The following RRM2 variants were observed in gnomAD, a reference collection of about 807,000 sequenced individuals.
RRM2 encodes the protein ribonucleotide reductase regulatory subunit M2, also known as ribonucleoside-diphosphate reductase subunit M2.
A neutral mutation model predicts 45.9 loss-of-function variants in RRM2; 6 were observed. The observed-to-expected ratio is 0.13, with a 90% CI of 0.07 to 0.26. The LOEUF (loss-of-function observed/expected upper bound fraction) is 0.26. Among genes scored for constraint, RRM2 ranks in the 10% least tolerant of loss-of-function variants. The pLI is 1.00. For missense variants in RRM2, 343 were observed against 489.5 expected (o/e 0.70, Z 2.82); for synonymous variants, 177 against 173.0 (o/e 1.02, Z -0.18).
In RRM2 at chr2:10,207,386, A is replaced by C. The variant is rs528959763; in HGVS notation, n.483-2925A>C. ...CAGCCCGCTCTCCACACCGAACCCG[A>C]GGCTCTCTCTTTGAATGGCAATCTG... is the stretch of plus-strand genomic sequence containing the variant. On this transcript the variant is annotated intron_variant and non_coding_transcript_variant, in intron 3 of 3. Coordinates refer to the RRM2 transcript ENST00000381786. 7.2e-5 allele frequency among the ~76,000 whole-genome samples: 11 copies of C among 152,208 alleles called. No homozygotes were observed. The South Asian group carries it at 2.3e-3, about 32-fold the overall frequency.
At chr2:10,142,268 C>A in exon 3 of RRM2, 1 of 1,451,704 alleles carries the variant, frequency 6.9e-7, no homozygotes, top group Non-Finnish European at 9.3e-7. Context: ...ATGAGAAGCT[C>A]GGGAAGGTCT....
rs538931246 is a variant in RRM2, at chr2:10,210,274, G to C, written n.483-37G>C. On this transcript the variant is annotated intron_variant and non_coding_transcript_variant, in intron 3 of 3. Transcript: ENST00000381786. ...TTGGGGGCATGGGTTGGATGATCTT[G>C]GTTCAGTTACCAAATCTTTCTTTCC... 16 of 1,327,732 alleles carry C rather than the reference G, an allele frequency of 1.2e-5. 1 individual carries two copies. In the South Asian group the frequency reaches 1.6e-4, roughly 14 times the overall value. 82.2% of individuals were successfully genotyped at this position (1,327,732 alleles called of 1,614,324 possible).
At chr2:10,207,421 C>A (rs1470279334) in intron 3 of RRM2, among the ~76,000 whole-genome samples, 2 of 152,136 alleles carry the variant, frequency 1.3e-5, no homozygotes, top group Non-Finnish European at 2.9e-5. Context: ...GATAGTCTCC[C>A]CCCTGTTTAA....
chr2:10,129,361 C>A lies in RRM2; in HGVS notation c.1145C>A (p.Ser382Tyr), dbSNP rs1319562606. Residue 382 changes from serine (S) to tyrosine (Y), a missense_variant, in exon 10 of 10, where the codon TCT becomes TAT. Ser to Tyr is a moderately radical substitution (Grantham distance 144). Transcript: ENST00000304567. The surrounding 1 kb of genome is among the most constrained non-coding windows in gnomAD (Gnocchi z 4.8). ...MGVMSSPTEN[S>Y]FTLDADF ...GTGATGTCAAGTCCAACAGAGAATT[C>A]TTTTACCTTGGATGCTGACTTCTAA... 22 of 1,612,458 alleles carry A rather than the reference C, an allele frequency of 1.4e-5. No homozygotes were observed. Among genetic ancestry groups the A allele is most frequent in the Non-Finnish European group, 1.7e-5 (20 of 1,179,566 alleles).
intron 3 of RRM2, chr2:10,145,706 G>A (rs1663173467): frequency 6.6e-6 from 1 of 152,216 alleles, no homozygotes; most frequent in Non-Finnish European, 1.5e-5. Flanking sequence ...AGAGACTTGG[G>A]GCAGCTCCCT....
At chr2:10,168,998 G>A (rs1000486389) in intron 3 of RRM2, among the ~76,000 whole-genome samples, 4 of 151,884 alleles carry the variant, frequency 2.6e-5, no homozygotes, top group African/African-American at 9.7e-5. Flanking sequence ...TTAGAGACAG[G>A]GTCTTGCTCT....
At position 10,122,804 on chromosome 2, in the gene RRM2, C is replaced by G; in HGVS notation, c.6C>G (p.Leu2=). The stretch of plus-strand genomic sequence containing the variant: ...TGCTTCGCTGCGCCTCCACTATGCT[C>G]TCCCTCCGTGTCCCGCTCGCGCCCA... M[L]SLRVPLAPIT... Residue 2 remains leucine (L), a synonymous_variant, in exon 1 of 10, where the codon CTC becomes CTG. Coordinates refer to ENST00000304567, the MANE Select transcript of RRM2 (RefSeq NM_001034.4). 2 of 1,591,224 alleles carry G rather than the reference C, an allele frequency of 1.3e-6. No homozygotes were observed. Among genetic ancestry groups the G allele is most frequent in the Non-Finnish European group, 1.7e-6 (2 of 1,170,410 alleles).
In RRM2 at chr2:10,194,785, T is replaced by G. The variant is rs116552496; in HGVS notation, n.483-15526T>G. Reference sequence around the variant, plus strand: ...CCCTCTGACCAGCCCCACTGTCCTGTCCTTCCCTCCCCTGCGTCCTCATCT... The same window carrying G: ...CCCTCTGACCAGCCCCACTGTCCTGGCCTTCCCTCCCCTGCGTCCTCATCT... On this transcript the variant is annotated intron_variant and non_coding_transcript_variant, in intron 3 of 3. Transcript: ENST00000381786. Among the ~76,000 whole-genome samples the G allele has an allele frequency of 1.7e-3, 257 of 152,300 alleles. 2 individuals carry two copies. Among genetic ancestry groups the G allele is most frequent in the African/African-American group, 5.9e-3 (244 of 41,568 alleles).
intron 2 of RRM2, chr2:10,142,131 T>A (rs1478239921): frequency 6.4e-7 from 1 of 1,550,388 alleles, no homozygotes; most frequent in Non-Finnish European, 8.8e-7. Flanking sequence ...AAAGGCCCTG[T>A]GGCAGGCGCG....
chr2:10,125,501 C>T (rs964441174), intron 5 of RRM2, among the ~76,000 whole-genome samples: 9 of 152,024 alleles, frequency 5.9e-5, no homozygotes, highest in Non-Finnish European at 7.4e-5. Context: ...GTCAGGAGAT[C>T]GAGACCATCC....
chr2:10,147,098 G>A (rs993783986), intron 3 of RRM2, among the ~76,000 whole-genome samples: 1 of 151,944 alleles, frequency 6.6e-6, no homozygotes, highest in East Asian at 1.9e-4. Context: ...GATTACAGGC[G>A]CGCACTACCA....
At chr2:10,194,993 G>A (rs888511734) in intron 3 of RRM2, among the ~76,000 whole-genome samples, 1 of 152,198 alleles carries the variant, frequency 6.6e-6, no homozygotes, top group Non-Finnish European at 1.5e-5. Context: ...CTGTGTGTGG[G>A]TTTACAGCCA....
At chr2:10,196,439 T>C (rs1664415032) in intron 3 of RRM2, among the ~76,000 whole-genome samples, 3 of 152,118 alleles carry the variant, frequency 2.0e-5, no homozygotes, top group African/African-American at 4.8e-5. Flanking sequence ...CTGTGGCTGT[T>C]TCTGTGGTGA....
At chr2:10,194,833 C>T (rs1664380796) in intron 3 of RRM2, among the ~76,000 whole-genome samples, 1 of 152,240 alleles carries the variant, frequency 6.6e-6, no homozygotes, top group Non-Finnish European at 1.5e-5. Context: ...TCACAGCCGC[C>T]CCCTGACTTT....
chr2:10,187,187 A>C (rs1664188155), intron 3 of RRM2, among the ~76,000 whole-genome samples: 1 of 152,122 alleles, frequency 6.6e-6, no homozygotes, highest in African/African-American at 2.4e-5. Context: ...TTGTTCCCTG[A>C]TGCTGCTGGG....
chr2:10,167,950 T>A (rs552709774), intron 3 of RRM2, among the ~76,000 whole-genome samples: 40 of 152,084 alleles, frequency 2.6e-4, no homozygotes, highest in Non-Finnish European at 4.9e-4. Context: ...GGAAAAGCTC[T>A]TCCTCTACCT....
At chr2:10,191,461 G>A (rs1353230102) in intron 3 of RRM2, among the ~76,000 whole-genome samples, 8 of 152,208 alleles carry the variant, frequency 5.3e-5, no homozygotes, top group Non-Finnish European at 8.8e-5. Flanking sequence ...GCAGGTGGCA[G>A]TGAGTAGCCA....
intron 3 of RRM2, among the ~76,000 whole-genome samples, chr2:10,197,582 C>T (rs184680349): frequency 5.6e-4 from 85 of 151,700 alleles, no homozygotes; most frequent in Admixed American, 2.8e-3. Context: ...ACCTGCGGGG[C>T]GGGCACACCT....
intron 3 of RRM2, among the ~76,000 whole-genome samples, chr2:10,142,593 A>G (rs576218224): frequency 5.9e-4 from 90 of 152,010 alleles, no homozygotes; most frequent in African/African-American, 2.1e-3. Context: ...CCCAGACAGC[A>G]CGGTCCTGCG....
Sources: allele counts gnomAD v4.1 joint callset (sites outside exome capture counted in the v4.1 genomes callset), GRCh38; gene constraint gnomAD v4.1.1; non-coding constraint Gnocchi (gnomAD v3.1); transcripts MANE v1.5; gene names NCBI Gene and HGNC (gene_info 2026-07-23, HGNC 2026-07-21).